NPHP4: variants seen among roughly 807,000 people sequenced by gnomAD.
The protein encoded by NPHP4 is nephrocystin-4.
In NPHP4, 151 loss-of-function variants were observed where a neutral mutation model predicts 155.8. The ratio of observed to expected loss-of-function variants is 0.97; its 90% confidence interval spans 0.85 to 1.11. The LOEUF is 1.11. Among genes scored for constraint, NPHP4 ranks in the 50% least tolerant of loss-of-function variants. The pLI is 0.00. For synonymous variants in NPHP4, 845 were observed against 816.8 expected (o/e 1.03, Z -0.59); for missense variants, 1,956 against 1,925.7 (o/e 1.02, Z -0.29).
At chr1:5,977,486 C>A (rs1287543) in intron 3 of NPHP4, among the ~76,000 whole-genome samples, 1 of 152,088 alleles carries the variant, frequency 6.6e-6, no homozygotes, top group Non-Finnish European at 1.5e-5. Flanking sequence ...GTTCTCCTAT[C>A]GGTCTCCTCC....
At chr1:5,933,687 T>C (rs1646393809) in intron 9 of NPHP4, among the ~76,000 whole-genome samples, 1 of 152,248 alleles carries the variant, frequency 6.6e-6, no homozygotes, top group African/African-American at 2.4e-5. Context: ...TTGTAAACAC[T>C]CTGCACCTTG....
intron 16 of NPHP4, among the ~76,000 whole-genome samples, chr1:5,891,538 C>A (rs1287366749): frequency 2.6e-5 from 4 of 152,242 alleles, no homozygotes; most frequent in East Asian, 1.9e-4. Context: ...CCCGTGCGGT[C>A]TGCCCTGGTC....
At position 5,948,236 on chromosome 1, in the gene NPHP4, C is replaced by A; in HGVS notation, c.826G>T (p.Asp276Tyr). ...TCCAGGATCTCCAGGGCACCACCGT[C>A]CAGTGGGCCACATCCCTGGAAGAGG... ...DHFQEGCGPL[D>Y]GGALEILERR... Residue 276 changes from aspartate to tyrosine, a missense_variant, in exon 8 of 30, where the codon GAC becomes TAC. Transcript: ENST00000378156. 6.3e-7 allele frequency: 1 copy of A among 1,576,536 alleles called. No homozygotes were observed. Among genetic ancestry groups the A allele is most frequent in the Non-Finnish European group, 8.6e-7 (1 of 1,164,464 alleles).
At position 5,873,333 on chromosome 1, in the gene NPHP4, G is replaced by C. The variant is rs1036816659; in HGVS notation, c.3234C>G (p.Ala1078=). The change falls in exon 23 of 30, where the codon GCC becomes GCG. Residue 1078 remains alanine (A), a splice_region_variant and synonymous_variant. Transcript: ENST00000378156. The part of the protein sequence containing the change: ...FSAGQLAMVQ[A]SPGLSNEKGM... ...CCTTCTCGTTGCTCAACCCAGGAGA[G>C]GCCTGCAGGAACCGAACAGCACAAG... 22 of 1,613,558 alleles carry C rather than the reference G, an allele frequency of 1.4e-5. No individual in the cohort carries two copies. Among genetic ancestry groups the C allele is most frequent in the Non-Finnish European group, 1.7e-5 (20 of 1,179,626 alleles).
rs184866946 is a variant in NPHP4, at chr1:5,964,062, G to A, written c.518-2113C>T. On this transcript the variant is annotated intron_variant, in intron 5 of 29. Transcript: ENST00000378156. Reference sequence around the variant, plus strand: ...ATCAATCATGAAACATCAATTCCACGAAACACCACAGAGCTGTAAAAAGAG... The same window carrying A: ...ATCAATCATGAAACATCAATTCCACAAAACACCACAGAGCTGTAAAAAGAG... 4.3e-3 allele frequency among the ~76,000 whole-genome samples: 657 copies of A among 152,234 alleles called. 7 individuals are homozygous for A. Among genetic ancestry groups the A allele is most frequent in the African/African-American group, 0.015 (603 of 41,544 alleles).
rs1654027967 is a variant in NPHP4, at chr1:5,978,167, G to A, written c.279+103C>T. 8 of 1,081,614 alleles carry A rather than the reference G, an allele frequency of 7.4e-6. No homozygotes were observed. The Admixed American group carries it at 1.6e-4, about 21-fold the overall frequency. The allele number at this position is 1,081,614 out of a possible 1,614,324, so 67.0% of individuals were successfully genotyped here. A position where few individuals can be genotyped will look rare whatever the true frequency, so the allele number is the denominator to read the frequency against. ...TGGACCCACAAGTCTGAGACGCGCT[G>A]TGAGGTCTCGGCAAGGCCCCAGTCT... On this transcript the variant is annotated intron_variant, in intron 3 of 29. Coordinates refer to ENST00000378156, the MANE Select transcript of NPHP4 (RefSeq NM_015102.5).
At chr1:5,873,549 C>T (rs1408636202) in intron 22 of NPHP4, 7 of 593,596 alleles carry the variant, frequency 1.2e-5, no homozygotes, top group South Asian at 1.0e-4. Flanking sequence ...GGTGGAAACC[C>T]GGCTCTGCCT....
At chr1:5,987,755 T>C (rs559911198) in intron 1 of NPHP4, among the ~76,000 whole-genome samples, 13 of 152,306 alleles carry the variant, frequency 8.5e-5, no homozygotes, top group South Asian at 6.2e-4. Flanking sequence ...GGCTGCATGC[T>C]GAACACACCG....
Position 5,978,327 on chromosome 1 carries a change from C to G in NPHP4, c.222G>C (p.Thr74=). The G allele has an allele frequency of 1.9e-6, 3 of 1,609,498 alleles. No individual in the cohort carries two copies. In the African/African-American group the frequency reaches 4.0e-5, roughly 21 times the overall value. Residue 74 remains threonine, a synonymous_variant, in exon 3 of 30, where the codon ACG becomes ACC. Transcript: ENST00000378156. ...TCGTCGGCTTCACTGTGGTTTTCCA[C>G]GTCCTCCCAAAGAAGTGCCGGTAGG... ...DVTYRHFFGR[T]WKTTVKPTKR... is the part of the protein sequence containing the mutation.
At position 5,910,247 on chromosome 1, in the gene NPHP4, C is replaced by T. The variant is rs1408790109; in HGVS notation, c.1442-1034G>A. On this transcript the variant is annotated intron_variant, in intron 11 of 29. Coordinates refer to ENST00000378156, the MANE Select transcript of NPHP4 (RefSeq NM_015102.5). The surrounding 1 kb of genome is among the most constrained non-coding windows in gnomAD (Gnocchi z 5.4). Reference sequence around the variant, plus strand: ...AGTCATCTGCCTGGCTTCCCTGAGGCCCACAGCCCAGTCTCCAGCCCATGT... The same window carrying T: ...AGTCATCTGCCTGGCTTCCCTGAGGTCCACAGCCCAGTCTCCAGCCCATGT... Among the ~76,000 whole-genome samples the T allele has an allele frequency of 6.6e-6, 1 of 152,176 alleles. No homozygotes were observed. The highest frequency in any genetic ancestry group is 6.5e-5 in the Admixed American group (1 of 15,282).
At chr1:5,869,962 G>A (rs1214842467) in intron 23 of NPHP4, among the ~76,000 whole-genome samples, 1 of 152,128 alleles carries the variant, frequency 6.6e-6, no homozygotes, top group Non-Finnish European at 1.5e-5. Context: ...GCACATACAC[G>A]CACATATCTA....
chr1:5,895,908 T>C (rs528206086), intron 16 of NPHP4, among the ~76,000 whole-genome samples: 1 of 151,824 alleles, frequency 6.6e-6, no homozygotes, highest in Admixed American at 6.6e-5. Flanking sequence ...GCAGCTACCG[T>C]AGAGACGGGC....
chr1:5,942,364 T>C (rs1237934148), intron 9 of NPHP4, among the ~76,000 whole-genome samples: 2 of 151,606 alleles, frequency 1.3e-5, no homozygotes, highest in African/African-American at 4.9e-5. Flanking sequence ...ACCCCATCTC[T>C]ACTAAAAATA....
chr1:5,978,134 G>C (rs1654020187), intron 3 of NPHP4, 136 bp downstream of exon 3: 2 of 771,672 alleles, frequency 2.6e-6, no homozygotes, highest in South Asian at 3.6e-5. Flanking sequence ...ACTAAGCTCT[G>C]TGCTGCCTGG....
intron 10 of NPHP4, among the ~76,000 whole-genome samples, chr1:5,929,823 A>G (rs1194465649): frequency 6.6e-6 from 1 of 152,152 alleles, no homozygotes; most frequent in Non-Finnish European, 1.5e-5. Flanking sequence ...GCTTCATTTC[A>G]TGAGTTGGGA....
In NPHP4 at chr1:5,980,675, T is replaced by C. The variant is rs949277045; in HGVS notation, c.136-2262A>G. 1.1e-4 allele frequency among the ~76,000 whole-genome samples: 17 copies of C among 151,862 alleles called. 1 individual carries two copies. Among genetic ancestry groups the C allele is most frequent in the African/African-American group, 4.1e-4 (17 of 41,302 alleles). Reference sequence around the variant, plus strand: ...CTTTGCAGGAGTGGCTGCGTGGTCATGAAGGGAGAAAAGTGGGAAGGGCCA... The same window carrying C: ...CTTTGCAGGAGTGGCTGCGTGGTCACGAAGGGAGAAAAGTGGGAAGGGCCA... On this transcript the variant is annotated intron_variant, in intron 2 of 29. Transcript: ENST00000378156.
chr1:5,966,995 G>A (rs1041730027), intron 5 of NPHP4, among the ~76,000 whole-genome samples: 4 of 152,346 alleles, frequency 2.6e-5, no homozygotes, highest in African/African-American at 9.6e-5. Context: ...GCCGGTGGCT[G>A]GTGACAGAGA....
Position 5,890,765 on chromosome 1 carries a change from C to T in NPHP4, c.2304+103G>A, listed in dbSNP as rs1196997904. On this transcript the variant is annotated intron_variant, in intron 17 of 29. Coordinates refer to ENST00000378156, the MANE Select transcript of NPHP4 (RefSeq NM_015102.5). The surrounding 1 kb of genome is among the most constrained non-coding windows in gnomAD (Gnocchi z 4.9). ...CAAAGAAGGTCAAACAAGTCCTGTG[C>T]GGGATAGCGCCCGCTCCTTCCAAGC... is the stretch of plus-strand genomic sequence containing the variant. 22 of 1,067,194 alleles carry T rather than the reference C, an allele frequency of 2.1e-5. No individual in the cohort carries two copies. Among genetic ancestry groups the T allele is most frequent in the African/African-American group, 1.1e-4 (7 of 63,550 alleles). The allele number at this position is 1,067,194 out of a possible 1,614,324, so 66.1% of individuals were successfully genotyped here. A position where few individuals can be genotyped will look rare whatever the true frequency, so the allele number is the denominator to read the frequency against.
At chr1:5,925,836 C>T (rs925658530) in intron 11 of NPHP4, among the ~76,000 whole-genome samples, 2 of 152,166 alleles carry the variant, frequency 1.3e-5, no homozygotes, top group African/African-American at 4.8e-5. Flanking sequence ...AGAACGGTCT[C>T]GATCTCCTGA....
Sources: gnomAD v4.1 joint callset for allele counts (sites outside exome capture counted in the v4.1 genomes callset) on GRCh38, gnomAD v4.1.1 for gene constraint, Gnocchi (gnomAD v3.1) non-coding constraint, MANE v1.5 for transcripts, NCBI Gene and HGNC (gene_info 2026-07-23, HGNC 2026-07-21) for gene names.